CCDC192: variants seen among roughly 807,000 people sequenced by gnomAD.
CCDC192 encodes the protein coiled-coil domain containing 192.
chr5:127,880,641 A>C (rs900635869), intron 6 of CCDC192, among the ~76,000 whole-genome samples: 1 of 152,010 alleles, frequency 6.6e-6, no homozygotes, highest in South Asian at 2.1e-4. Context: ...AAATTAAAAA[A>C]AAAACAAAAC....
intron 6 of CCDC192, among the ~76,000 whole-genome samples, chr5:127,895,913 A>G (rs1431296032): frequency 6.6e-6 from 1 of 151,944 alleles, no homozygotes; most frequent in Non-Finnish European, 1.5e-5. Flanking sequence ...TTGTTCTTAG[A>G]AGGAGGACTA....
intron 2 of CCDC192, among the ~76,000 whole-genome samples, chr5:127,714,386 G>GTTTA (rs1483285094): frequency 6.6e-6 from 1 of 151,982 alleles, no homozygotes; most frequent in Non-Finnish European, 1.5e-5. Context: ...TCATAGGGTA[G>GTTTA]TTTATTTATT....
At chr5:127,759,644 A>G (rs1384943936) in intron 3 of CCDC192, among the ~76,000 whole-genome samples, 1 of 152,208 alleles carries the variant, frequency 6.6e-6, no homozygotes, top group Non-Finnish European at 1.5e-5. Flanking sequence ...TCTCAAAAAC[A>G]TCTGTTTATT....
At chr5:127,920,864 C>T (rs900664184) in intron 6 of CCDC192, among the ~76,000 whole-genome samples, 4 of 151,742 alleles carry the variant, frequency 2.6e-5, no homozygotes, top group Admixed American at 2.0e-4. Flanking sequence ...AGTTTGAGAT[C>T]AGCCTGGTCA....
At chr5:127,734,703 T>C (rs2126824092) in intron 2 of CCDC192, among the ~76,000 whole-genome samples, 1 of 147,422 alleles carries the variant, frequency 6.8e-6, no homozygotes, top group South Asian at 2.2e-4. Context: ...TTTCATGTGT[T>C]TTTTGGCTGC....
At chr5:127,711,925 A>G (rs1751357467) in intron 2 of CCDC192, among the ~76,000 whole-genome samples, 2 of 152,082 alleles carry the variant, frequency 1.3e-5, no homozygotes, top group Admixed American at 6.6e-5. Context: ...CATTTAAAGT[A>G]TACAAGTTGA....
chr5:127,853,768 G>A (rs1200276486), intron 5 of CCDC192, among the ~76,000 whole-genome samples: 2 of 152,032 alleles, frequency 1.3e-5, no homozygotes, highest in African/African-American at 2.4e-5. Context: ...GTGAAACTCC[G>A]TCTCAAAAAG....
At chr5:127,741,297 G>T (rs1274970116) in intron 2 of CCDC192, among the ~76,000 whole-genome samples, 1 of 152,046 alleles carries the variant, frequency 6.6e-6, no homozygotes, top group East Asian at 1.9e-4. Flanking sequence ...TCCTGGGCTC[G>T]AGAGATCTGT....
intron 5 of CCDC192, among the ~76,000 whole-genome samples, chr5:127,875,263 A>C (rs1404532237): frequency 6.6e-6 from 1 of 152,234 alleles, no homozygotes; most frequent in East Asian, 1.9e-4. Flanking sequence ...CTCTATTATA[A>C]GCAACAGGGT....
rs557459414 is a variant in CCDC192, at chr5:127,764,909, G to C, written c.222+10534G>C. On this transcript the variant is annotated intron_variant, in intron 3 of 6. Coordinates refer to ENST00000514853, the MANE Select transcript of CCDC192 (RefSeq NM_001317938.2). ...GTTTTCTTCTATTTTTCAGTCCCTG[G>C]AGCTTCAGGGAGAAAATTTTGGAAG... Among the ~76,000 whole-genome samples, 3 of 152,280 alleles carry C rather than the reference G, an allele frequency of 2.0e-5. No individual in the cohort carries two copies. The South Asian group carries it at 6.2e-4, about 32-fold the overall frequency.
At chr5:127,832,498 C>T (rs1228674010) in intron 5 of CCDC192, among the ~76,000 whole-genome samples, 5 of 151,942 alleles carry the variant, frequency 3.3e-5, no homozygotes, top group Non-Finnish European at 7.4e-5. Context: ...GCATAAAACA[C>T]GCCTGTGATA....
intron 2 of CCDC192, among the ~76,000 whole-genome samples, chr5:127,752,721 G>C (rs1301257666): frequency 6.6e-6 from 1 of 152,284 alleles, no homozygotes; most frequent in East Asian, 1.9e-4. Flanking sequence ...CCTCGCTGCC[G>C]CCTTGCAGTT....
chr5:127,781,619 C>T (rs986880017), intron 3 of CCDC192, among the ~76,000 whole-genome samples: 8 of 138,298 alleles, frequency 5.8e-5, no homozygotes, highest in African/African-American at 8.1e-5. Flanking sequence ...GGGTTGAGTT[C>T]GTGATTTGAT....
At chr5:127,939,171 G>A (rs1299890700) in intron 6 of CCDC192, among the ~76,000 whole-genome samples, 4 of 115,380 alleles carry the variant, frequency 3.5e-5, no homozygotes, top group Non-Finnish European at 6.5e-5. Flanking sequence ...AGGCTGGAAT[G>A]CTGTGGCACA....
At chr5:127,774,958 A>G (rs892542056) in intron 3 of CCDC192, among the ~76,000 whole-genome samples, 7 of 152,130 alleles carry the variant, frequency 4.6e-5, no homozygotes, top group Admixed American at 1.3e-4. Context: ...GCATTGTACC[A>G]GTGTTTCCCT....
chr5:127,916,653 A>G lies in CCDC192; in HGVS notation c.536-24529A>G, dbSNP rs1580823825. ...TACCAAAACTTTTGGGTGACCAGGT[A>G]CATTGTCAATGAGCAGTAATATTTT... On this transcript the variant is annotated intron_variant, in intron 6 of 6. Transcript: ENST00000514853. Among the ~76,000 whole-genome samples the G allele has an allele frequency of 2.0e-5, 3 of 152,242 alleles. No individual in the cohort carries two copies. In the East Asian group the frequency reaches 5.8e-4, roughly 29 times the overall value.
intron 6 of CCDC192, among the ~76,000 whole-genome samples, chr5:127,924,964 T>C (rs1580833168): frequency 6.6e-6 from 1 of 152,228 alleles, no homozygotes; most frequent in East Asian, 1.9e-4. Context: ...ACAGAATTTT[T>C]TGACATCTCT....
rs566032927 is a variant in CCDC192 at position 127,819,923 on chromosome 5, A to G, written c.411+21761A>G. On this transcript the variant is annotated intron_variant, in intron 5 of 6. Transcript: ENST00000514853. ...ACAGGCAGCCTTAGTTTCCATTCTC[A>G]GGGATTATCTTTATCCTTGTTTGTT... 1.2e-4 allele frequency among the ~76,000 whole-genome samples: 18 copies of G among 152,306 alleles called. 1 individual carries two copies. The South Asian group carries it at 3.5e-3, about 30-fold the overall frequency.
chr5:127,748,882 A>C (rs1180916248), intron 2 of CCDC192, among the ~76,000 whole-genome samples: 1 of 150,624 alleles, frequency 6.6e-6, no homozygotes. Flanking sequence ...TGTGAATGGG[A>C]GTTCACTCAT....
Sources: gnomAD v4.1 joint callset for allele counts (sites outside exome capture counted in the v4.1 genomes callset) on GRCh38, gnomAD v4.1.1 for gene constraint, MANE v1.5 for transcripts, NCBI Gene and HGNC (gene_info 2026-07-23, HGNC 2026-07-21) for gene names.